The following GPHN variants were observed in gnomAD, a reference collection of about 807,000 sequenced individuals.
GPHN encodes gephyrin.
GPHN carries 17 observed loss-of-function variants against 95.5 expected under a neutral mutation model. That is an observed-to-expected ratio of 0.18 (90% CI 0.12 to 0.27). The LOEUF is 0.27. Ranked by LOEUF, GPHN falls within the 10% of genes least tolerant of loss-of-function variation. GPHN has a pLI of 1.00. For synonymous variants in GPHN, 320 were observed against 322.5 expected, an observed-to-expected ratio of 0.99 and a Z score of 0.08; for missense variants, 660 against 978.1, an observed-to-expected ratio of 0.67 and a Z score of 4.34.
the GPHN span, chr14:67,364,670 C>T: frequency 4.8e-6 from 6 of 1,257,760 alleles, no homozygotes; most frequent in African/African-American, 3.1e-5. Flanking sequence ...CTATTTTTTT[C>T]TTCATCTTTT....
chr14:67,433,998 G>T, the GPHN span, among the ~76,000 whole-genome samples: 1 of 152,172 alleles, frequency 6.6e-6, no homozygotes, highest in Non-Finnish European at 1.5e-5. Context: ...GCCACAGAAT[G>T]TAATAAAGCA....
chr14:67,555,935 G>C, the GPHN span: 1 of 1,591,484 alleles, frequency 6.3e-7, no homozygotes, highest in Non-Finnish European at 8.6e-7. Context: ...AATGACCGTC[G>C]GCCCTTCCAG....
chr14:67,212,272 G>GA, the GPHN span, among the ~76,000 whole-genome samples: 4 of 151,820 alleles, frequency 2.6e-5, no homozygotes, highest in East Asian at 1.9e-4. Flanking sequence ...GTAGATTAAA[G>GA]AAAAAAATGT....
intron 4 of GPHN, among the ~76,000 whole-genome samples, chr14:66,855,443 G>T (rs76111571): frequency 0.012 from 1,835 of 152,180 alleles, 19 homozygotes; most frequent in Non-Finnish European, 0.018. Flanking sequence ...CATGCATGTT[G>T]TAGTATATAT....
chr14:67,202,350 A>G, the GPHN span, among the ~76,000 whole-genome samples: 3 of 152,288 alleles, frequency 2.0e-5, no homozygotes, highest in South Asian at 6.2e-4. Flanking sequence ...CTGAGACAGG[A>G]GAATCATTTG....
intron 1 of GPHN, among the ~76,000 whole-genome samples, chr14:66,612,855 T>C (rs1466569003): frequency 6.6e-6 from 1 of 152,132 alleles, no homozygotes; most frequent in Non-Finnish European, 1.5e-5. Flanking sequence ...GAGATTTATC[T>C]CTTATTATTG....
At chr14:66,576,700 A>C (rs994301440) in intron 1 of GPHN, among the ~76,000 whole-genome samples, 1 of 152,168 alleles carries the variant, frequency 6.6e-6, no homozygotes. Context: ...AAATACCTTC[A>C]CGTCAATCCC....
chr14:66,986,925 CAT>C (rs1294697241), intron 9 of GPHN, among the ~76,000 whole-genome samples: 7 of 152,180 alleles, frequency 4.6e-5, no homozygotes, highest in East Asian at 3.8e-4. Context: ...TGCGCACGCA[CAT>C]GAGTGCACAT....
chr14:67,323,235 G>GTA, the GPHN span, among the ~76,000 whole-genome samples: 150 of 17,038 alleles, frequency 8.8e-3, 1 homozygote, highest in Admixed American at 0.072. Flanking sequence ...ATATACACGT[G>GTA]TGTGTGTGTG....
At chr14:67,282,419 A>C in the GPHN span, among the ~76,000 whole-genome samples, 2 of 152,170 alleles carry the variant, frequency 1.3e-5, no homozygotes, top group East Asian at 3.8e-4. Context: ...GTTTCTAAAC[A>C]ATACATCATC....
At chr14:67,340,443 T>G in the GPHN span, 1 of 1,613,448 alleles carries the variant, frequency 6.2e-7, no homozygotes, top group Non-Finnish European at 8.5e-7. Context: ...AACAAACCTA[T>G]AGAACTCTTC....
intron 10 of GPHN, among the ~76,000 whole-genome samples, chr14:67,036,729 G>C (rs2074443936): frequency 6.6e-6 from 1 of 151,796 alleles, no homozygotes; most frequent in African/African-American, 2.4e-5. Flanking sequence ...TAAACTTAAT[G>C]GAGAAAATGA....
chr14:66,594,707 G>C (rs2061900240), intron 1 of GPHN, among the ~76,000 whole-genome samples: 1 of 152,146 alleles, frequency 6.6e-6, no homozygotes, highest in Non-Finnish European at 1.5e-5. Flanking sequence ...ACCTAAAACT[G>C]TGAAAGTAGT....
At chr14:67,643,712 G>A in the GPHN span, among the ~76,000 whole-genome samples, 1,772 of 152,158 alleles carry the variant, frequency 0.012, 11 homozygotes, top group Non-Finnish European at 0.018. Flanking sequence ...CTAGAACCAG[G>A]AAATAGAGCT....
intron 20 of GPHN, among the ~76,000 whole-genome samples, chr14:67,168,472 C>G (rs1213097557): frequency 1.3e-5 from 2 of 151,864 alleles, no homozygotes; most frequent in Non-Finnish European, 2.9e-5. Context: ...AAGAAATATC[C>G]AGGTAGAGAA....
At chr14:66,818,392 G>C (rs901655065) in intron 3 of GPHN, among the ~76,000 whole-genome samples, 1 of 152,100 alleles carries the variant, frequency 6.6e-6, no homozygotes, top group African/African-American at 2.4e-5. Flanking sequence ...TGAGGATAAT[G>C]GGATCCAGCT....
intron 1 of GPHN, among the ~76,000 whole-genome samples, chr14:66,620,920 A>G (rs1299783669): frequency 6.6e-6 from 1 of 152,226 alleles, no homozygotes; most frequent in Admixed American, 6.5e-5. Context: ...TGGCCAAAAC[A>G]AAGGGGCTAC....
the GPHN span, among the ~76,000 whole-genome samples, chr14:67,373,383 G>A: frequency 1.3e-5 from 2 of 152,082 alleles, no homozygotes; most frequent in African/African-American, 4.8e-5. Flanking sequence ...CAGTGTATAT[G>A]AACAGAATAT....
chr14:67,141,340 A>G (rs2080445621), intron 17 of GPHN, among the ~76,000 whole-genome samples: 1 of 151,968 alleles, frequency 6.6e-6, no homozygotes, highest in Non-Finnish European at 1.5e-5. Context: ...CCAGTCTATG[A>G]TTTTCTTGTG....
Sources: allele counts gnomAD v4.1 joint callset (sites outside exome capture counted in the v4.1 genomes callset), GRCh38; gene constraint gnomAD v4.1.1; transcripts MANE v1.5; gene names NCBI Gene and HGNC (gene_info 2026-07-23, HGNC 2026-07-21).